The following GSE1 variants were observed in gnomAD, a reference collection of about 807,000 sequenced individuals.
GSE1 encodes the protein Gse1 coiled-coil protein, also known as genetic suppressor element 1.
Under a neutral mutation model 112.6 loss-of-function variants are expected in GSE1, and 32 were observed. The observed-to-expected ratio is 0.28, with a 90% CI of 0.21 to 0.38. The LOEUF (loss-of-function observed/expected upper bound fraction) is 0.38, where lower values mean the gene tolerates loss of function less well. Ranked by LOEUF, GSE1 falls within the 10% of genes least tolerant of loss-of-function variation. The pLI, the probability that GSE1 is intolerant of heterozygous loss-of-function variation, is 1.00. For synonymous variants in GSE1, 1,115 were observed against 735.6 expected, an observed-to-expected ratio of 1.52 and a Z score of -8.35; for missense variants, 2,348 against 1,699.2, an observed-to-expected ratio of 1.38 and a Z score of -6.71.
chr16:85,329,827 A>G (rs2046301840), intron 1 of GSE1, among the ~76,000 whole-genome samples: 1 of 139,678 alleles, frequency 7.2e-6, no homozygotes. Flanking sequence ...AAGGCTGGGG[A>G]CGGGAGGGGA....
At position 85,331,361 on chromosome 16, in the gene GSE1, G is replaced by GTATATATATGTATATATATGTATATATA. The variant is rs1299782485; in HGVS notation, c.2284-26101_2284-26100insATATATATGTATATATATGTATATATAT. Among the ~76,000 whole-genome samples the GTATATATATGTATATATATGTATATATA allele has an allele frequency of 8.0e-3, 537 of 66,956 alleles. 66 individuals are homozygous for GTATATATATGTATATATATGTATATATA. The highest frequency in any genetic ancestry group is 0.018 in the African/African-American group (336 of 19,038). 43.9% of individuals were successfully genotyped at this position (66,956 alleles called of 152,430 possible). ...TGTGTGTGTGTGTGTGTGTGTGTGT[G>GTATATATATGTATATATATGTATATATA]TGTGTATATATGTATATATATGTAT... On this transcript the variant is annotated intron_variant, in intron 1 of 2. Transcript: ENST00000637419.
At chr16:85,623,062 T>G (rs1042384391) in intron 1 of GSE1, among the ~76,000 whole-genome samples, 4 of 152,126 alleles carry the variant, frequency 2.6e-5, no homozygotes, top group African/African-American at 9.7e-5. Context: ...TTTTTATGGC[T>G]TAGACTTTTC....
At chr16:85,375,905 C>T (rs1389500844) in intron 2 of GSE1, among the ~76,000 whole-genome samples, 1 of 152,208 alleles carries the variant, frequency 6.6e-6, no homozygotes, top group Non-Finnish European at 1.5e-5. Context: ...CACCATCAGC[C>T]CCATTTTATA....
chr16:85,233,436 CA>C (rs1386513264), intron 1 of GSE1, among the ~76,000 whole-genome samples: 2 of 152,170 alleles, frequency 1.3e-5, no homozygotes, highest in African/African-American at 4.8e-5. Flanking sequence ...AAATTTAGAA[CA>C]GTTCCAGGGC....
intron 2 of GSE1, among the ~76,000 whole-genome samples, chr16:85,537,551 C>T (rs980829688): frequency 2.6e-5 from 4 of 152,194 alleles, no homozygotes; most frequent in African/African-American, 7.2e-5. Flanking sequence ...GCTCCCATGG[C>T]GCAGGAACCC....
At chr16:85,325,353 C>T (rs1296698938) in intron 1 of GSE1, among the ~76,000 whole-genome samples, 1 of 152,082 alleles carries the variant, frequency 6.6e-6, no homozygotes, top group Non-Finnish European at 1.5e-5. Context: ...CCTCTGGGGG[C>T]TCTTTATTGT....
intron 11 of GSE1, 170 bp from the exon 12 acceptor site, chr16:85,664,845 G>A (rs902146149): frequency 8.3e-6 from 5 of 599,406 alleles, no homozygotes; most frequent in Admixed American, 2.8e-5. Flanking sequence ...ATCTGGGCTC[G>A]CTTTGAGATG....
intron 1 of GSE1, among the ~76,000 whole-genome samples, chr16:85,580,545 G>A (rs553196960): frequency 2.0e-5 from 3 of 152,208 alleles, no homozygotes; most frequent in Non-Finnish European, 2.9e-5. Context: ...ATGCCCCAGC[G>A]ATGCCCAGGG....
intron 2 of GSE1, among the ~76,000 whole-genome samples, chr16:85,462,865 C>T (rs1453541917): frequency 6.8e-6 from 1 of 148,096 alleles, no homozygotes; most frequent in Non-Finnish European, 1.5e-5. Context: ...CGGCCCCTCC[C>T]CGGGCTCCAC....
intron 2 of GSE1, among the ~76,000 whole-genome samples, chr16:85,411,078 G>A (rs1597664512): frequency 8.5e-6 from 1 of 117,510 alleles, no homozygotes; most frequent in East Asian, 2.3e-4. Flanking sequence ...TTGCACTCAG[G>A]GTCCCCCGGA....
chr16:85,658,491 C>G (rs1027775541), intron 8 of GSE1, among the ~76,000 whole-genome samples: 4 of 152,210 alleles, frequency 2.6e-5, no homozygotes, highest in African/African-American at 9.6e-5. Flanking sequence ...CCCTTGGGCT[C>G]TGGGACGGAA....
At chr16:85,628,706 T>C (rs919664296) in intron 1 of GSE1, among the ~76,000 whole-genome samples, 2 of 152,172 alleles carry the variant, frequency 1.3e-5, no homozygotes, top group African/African-American at 4.8e-5. Context: ...TGTCCGCCTT[T>C]TAAAAGCCTG....
chr16:85,551,128 G>T (rs2044895518), upstream of GSE1, among the ~76,000 whole-genome samples: 1 of 152,124 alleles, frequency 6.6e-6, no homozygotes, highest in South Asian at 2.1e-4. Context: ...AGCCTGCCCA[G>T]TTTCCTACCT....
chr16:85,648,847 A>C, intron 3 of GSE1, 96 bp downstream of exon 3: 1 of 646,352 alleles, frequency 1.5e-6, no homozygotes, highest in Non-Finnish European at 2.5e-6. Flanking sequence ...GGTTGAGTTT[A>C]CATTCCAGAC....
At chr16:85,597,593 C>A (rs1038220014) in intron 1 of GSE1, among the ~76,000 whole-genome samples, 1 of 152,106 alleles carries the variant, frequency 6.6e-6, no homozygotes, top group Admixed American at 6.5e-5. Context: ...CCTCAGCCTC[C>A]CCAGTAGCTA....
chr16:85,447,404 G>A (rs2049546294), intron 2 of GSE1, among the ~76,000 whole-genome samples: 1 of 152,168 alleles, frequency 6.6e-6, no homozygotes, highest in Non-Finnish European at 1.5e-5. Flanking sequence ...CTTGACCTTG[G>A]GCAGATGACC....
chr16:85,250,458 C>T (rs1317069004), intron 1 of GSE1, among the ~76,000 whole-genome samples: 4 of 152,206 alleles, frequency 2.6e-5, no homozygotes, highest in East Asian at 1.9e-4. Flanking sequence ...GGGGCGGAGG[C>T]GCCAGGGCCA....
At chr16:85,358,917 C>T (rs542802274) in intron 2 of GSE1, among the ~76,000 whole-genome samples, 1 of 152,350 alleles carries the variant, frequency 6.6e-6, no homozygotes, top group South Asian at 2.1e-4. Context: ...GAGCCTTGGA[C>T]AAGTGAGTTT....
intron 1 of GSE1, among the ~76,000 whole-genome samples, chr16:85,270,322 C>T (rs1908707093): frequency 6.7e-6 from 1 of 148,962 alleles, no homozygotes; most frequent in African/African-American, 2.4e-5. Flanking sequence ...TGACCTGCTG[C>T]TCTCCCTGTC....
Sources: allele counts gnomAD v4.1 joint callset (sites outside exome capture counted in the v4.1 genomes callset), GRCh38; gene constraint gnomAD v4.1.1; transcripts MANE v1.5; gene names NCBI Gene and HGNC (gene_info 2026-07-23, HGNC 2026-07-21).